SPTLC2: variants seen among roughly 807,000 people sequenced by gnomAD.
SPTLC2 encodes serine palmitoyltransferase 2.
A neutral mutation model predicts 62.0 loss-of-function variants in SPTLC2; 21 were observed. The ratio of observed to expected loss-of-function variants is 0.34; its 90% confidence interval spans 0.24 to 0.49. The LOEUF is 0.49. Ranked by LOEUF, SPTLC2 falls within the 20% of genes least tolerant of loss-of-function variation. SPTLC2 has a pLI of 0.99. For synonymous variants in SPTLC2, 261 were observed against 261.8 expected, an observed-to-expected ratio of 1.00 and a Z score of 0.03; for missense variants, 511 against 713.0, an observed-to-expected ratio of 0.72 and a Z score of 3.23.
At chr14:77,577,848 C>G (rs916308860) in intron 3 of SPTLC2, among the ~76,000 whole-genome samples, 2 of 152,028 alleles carry the variant, frequency 1.3e-5, no homozygotes, top group African/African-American at 4.8e-5. Context: ...TGCAGTAAGC[C>G]AAGATGGTGC....
At chr14:77,539,768 G>A (rs1312852012) in intron 9 of SPTLC2, among the ~76,000 whole-genome samples, 1 of 151,994 alleles carries the variant, frequency 6.6e-6, no homozygotes, top group African/African-American at 2.4e-5. Flanking sequence ...GGCATTACAG[G>A]CGTGAGCCAC....
At chr14:77,530,354 A>G (rs2079432073) in intron 9 of SPTLC2, among the ~76,000 whole-genome samples, 1 of 152,006 alleles carries the variant, frequency 6.6e-6, no homozygotes, top group Non-Finnish European at 1.5e-5. Flanking sequence ...TTTGAGATGG[A>G]GTCTTGCTCT....
At chr14:77,526,494 G>A (rs2079409801) in intron 9 of SPTLC2, among the ~76,000 whole-genome samples, 1 of 152,134 alleles carries the variant, frequency 6.6e-6, no homozygotes, top group African/African-American at 2.4e-5. Flanking sequence ...GCAATTTGGA[G>A]GAGAAAAATC....
Position 77,555,186 on chromosome 14 carries a change from C to A in SPTLC2, c.1176+114G>T. ...CACTCACTGGTATTATGAGCCTAAACCAGAGGCAAATTTGCGGACATCCCA... is the reference window on the plus strand; with the variant it reads ...CACTCACTGGTATTATGAGCCTAAAACAGAGGCAAATTTGCGGACATCCCA... On this transcript the variant is annotated intron_variant, in intron 8 of 11. Coordinates refer to ENST00000216484, the MANE Select transcript of SPTLC2 (RefSeq NM_004863.4). 2.5e-6 allele frequency: 3 copies of A among 1,205,384 alleles called. No individual in the cohort carries two copies. The East Asian group carries it at 7.0e-5, about 28-fold the overall frequency. 74.7% of individuals were successfully genotyped at this position (1,205,384 alleles called of 1,614,324 possible). A position where few individuals can be genotyped will look rare whatever the true frequency, so the allele number is the denominator to read the frequency against.
chr14:77,589,021 A>C (rs1234077170), intron 2 of SPTLC2, among the ~76,000 whole-genome samples: 2 of 144,596 alleles, frequency 1.4e-5, no homozygotes, highest in East Asian at 4.0e-4. Flanking sequence ...AAAAAAAAAA[A>C]AAAAAAAACA....
At chr14:77,609,995 A>T (rs2079926588) in intron 1 of SPTLC2, among the ~76,000 whole-genome samples, 1 of 152,210 alleles carries the variant, frequency 6.6e-6, no homozygotes, top group Admixed American at 6.5e-5. Flanking sequence ...CTCTATGTTT[A>T]ACTGTTTCCT....
At chr14:77,530,136 G>A (rs1187578739) in intron 9 of SPTLC2, among the ~76,000 whole-genome samples, 1 of 152,106 alleles carries the variant, frequency 6.6e-6, no homozygotes, top group African/African-American at 2.4e-5. Flanking sequence ...TTGGACTTAT[G>A]TGGAGGAGGA....
chr14:77,576,615 A>G, intron 4 of SPTLC2, 152 bp downstream of exon 4: 1 of 1,070,612 alleles, frequency 9.3e-7, no homozygotes, highest in Non-Finnish European at 1.4e-6. Context: ...GAAATCATCC[A>G]TCACACTTCA....
chr14:77,577,343 C>T (rs559966757), intron 3 of SPTLC2, among the ~76,000 whole-genome samples: 40 of 152,220 alleles, frequency 2.6e-4, no homozygotes, highest in African/African-American at 8.7e-4. Context: ...ACATTTCATA[C>T]AATGGAAGCT....
chr14:77,537,025 C>T (rs139290641), intron 9 of SPTLC2, among the ~76,000 whole-genome samples: 3,723 of 151,940 alleles, frequency 0.025, 147 homozygotes, highest in African/African-American at 0.086. Flanking sequence ...CAGGTTCAAG[C>T]AATTCTCCTG....
intron 9 of SPTLC2, among the ~76,000 whole-genome samples, chr14:77,541,927 C>G (rs759464242): frequency 6.6e-6 from 1 of 151,988 alleles, no homozygotes; most frequent in Non-Finnish European, 1.5e-5. Context: ...CATAGTGGCA[C>G]GCGCCTGTAG....
rs369523661 is a variant in SPTLC2, at chr14:77,578,993, G to A, written c.444C>T (p.Ile148=). The A allele has an allele frequency of 1.2e-6, 2 of 1,614,024 alleles. No individual in the cohort carries two copies. The highest frequency in any genetic ancestry group is 1.7e-6 in the Non-Finnish European group (2 of 1,180,016). ...ICSVPGARVD[I]MERQSHDYNW... The stretch of plus-strand genomic sequence containing the variant: ...TATAATCATGAGACTGTCTCTCCAT[G>A]ATGTCCACCCTGGCTCCAGGCACAC... The change falls in exon 3 of 12, where the codon ATC becomes ATT. Residue 148 remains isoleucine, a synonymous_variant. Coordinates refer to ENST00000216484, the MANE Select transcript of SPTLC2 (RefSeq NM_004863.4).
At chr14:77,583,546 A>G (rs1362647807) in intron 2 of SPTLC2, among the ~76,000 whole-genome samples, 2 of 152,136 alleles carry the variant, frequency 1.3e-5, no homozygotes, top group African/African-American at 2.4e-5. Context: ...TAGCCCCACT[A>G]TTCCGACCCT....
intron 9 of SPTLC2, among the ~76,000 whole-genome samples, chr14:77,527,789 G>A (rs748500436): frequency 2.0e-5 from 3 of 151,940 alleles, no homozygotes; most frequent in Non-Finnish European, 4.4e-5. Context: ...AATAAAGTAA[G>A]GAATATAAAG....
intron 4 of SPTLC2, among the ~76,000 whole-genome samples, chr14:77,574,569 A>G (rs1034293240): frequency 5.3e-5 from 8 of 152,232 alleles, no homozygotes; most frequent in Non-Finnish European, 7.3e-5. Context: ...ACTGCTGACA[A>G]TAGCCAAAAA....
chr14:77,533,161 G>A (rs28654332), intron 9 of SPTLC2, among the ~76,000 whole-genome samples: 24,704 of 152,010 alleles, frequency 0.16, 2,292 homozygotes, highest in East Asian at 0.3. Flanking sequence ...TTAGCTGGGC[G>A]TGGTGGTGCA....
chr14:77,578,974 C>T lies in SPTLC2; in HGVS notation c.463G>A (p.Asp155Asn), dbSNP rs2140040861. 6.2e-7 allele frequency: 1 copy of T among 1,614,054 alleles called. No individual in the cohort carries two copies. Among genetic ancestry groups the T allele is most frequent in the South Asian group, 1.1e-5 (1 of 91,084 alleles). ...RVDIMERQSH[D>N]YNWSFKYTGN... ...ACTCACTTGAAGGACCAGTTATAATCATGAGACTGTCTCTCCATGATGTCC... is the reference window on the plus strand; with the variant it reads ...ACTCACTTGAAGGACCAGTTATAATTATGAGACTGTCTCTCCATGATGTCC... The change falls in exon 3 of 12, where the codon GAT becomes AAT. Residue 155 changes from aspartate (D) to asparagine (N), a missense_variant. Physicochemically the swap from Asp to Asn is conservative, Grantham distance 23. Transcript: ENST00000216484.
intron 1 of SPTLC2, among the ~76,000 whole-genome samples, chr14:77,605,863 C>T (rs2267748): frequency 0.41 from 62,126 of 152,072 alleles, 13,322 homozygotes; most frequent in East Asian, 0.64. Context: ...AAACATACAA[C>T]GGATCCCACT....
intron 1 of SPTLC2, among the ~76,000 whole-genome samples, chr14:77,611,954 G>C (rs2079940815): frequency 1.3e-5 from 2 of 152,126 alleles, no homozygotes; most frequent in Admixed American, 1.3e-4. Context: ...CTCAAGCTTT[G>C]CAATAAAAAG....
Sources: allele counts gnomAD v4.1 joint callset (sites outside exome capture counted in the v4.1 genomes callset), GRCh38; gene constraint gnomAD v4.1.1; transcripts MANE v1.5; gene names NCBI Gene and HGNC (gene_info 2026-07-23, HGNC 2026-07-21).